Variants in PCDHGA12 observed in about 807,000 individuals in gnomAD.
PCDHGA12 encodes protocadherin gamma-A12.
PCDHGA12 carries 43 observed loss-of-function variants against 61.1 expected under a neutral mutation model. The observed-to-expected ratio is 0.70, with a 90% CI of 0.55 to 0.91. PCDHGA12 has a LOEUF of 0.91. Ranked by LOEUF, PCDHGA12 falls within the 40% of genes least tolerant of loss-of-function variation. The pLI is 0.00. For missense variants in PCDHGA12, 1,236 were observed against 1,227.7 expected, an observed-to-expected ratio of 1.01 and a Z score of -0.10; for synonymous variants, 520 against 542.9, an observed-to-expected ratio of 0.96 and a Z score of 0.59.
intron 1 of PCDHGA12, among the ~76,000 whole-genome samples, chr5:141,450,335 T>A (rs1054670037): frequency 1.3e-5 from 2 of 152,158 alleles, no homozygotes; most frequent in African/African-American, 4.8e-5. Context: ...CTCTTTAATC[T>A]ACTTTAATCT....
rs1421246315 is a variant in PCDHGA12 at position 141,491,880 on chromosome 5, G to A, written c.2425-2927G>A. The A allele has an allele frequency of 1.1e-5, 16 of 1,449,714 alleles. No homozygotes were observed. The highest frequency in any genetic ancestry group is 1.5e-5 in the Non-Finnish European group (16 of 1,096,892). 89.8% of individuals were successfully genotyped at this position (1,449,714 alleles called of 1,614,324 possible). A position where few individuals can be genotyped will look rare whatever the true frequency, so the allele number is the denominator to read the frequency against. ...GCGAAACCAGAGTGGCCGATTAAGGGATGGGGCTCCGAGCACCGGGGGTGG... is the reference window on the plus strand; with the variant it reads ...GCGAAACCAGAGTGGCCGATTAAGGAATGGGGCTCCGAGCACCGGGGGTGG... On this transcript the variant is annotated intron_variant, in intron 1 of 3. Coordinates refer to ENST00000252085, the MANE Select transcript of PCDHGA12 (RefSeq NM_003735.3). The surrounding 1 kb of genome is among the most constrained non-coding windows in gnomAD (Gnocchi z 6.9).
Position 141,431,668 on chromosome 5 carries a change from A to C in PCDHGA12, c.909A>C (p.Thr303=). ...ATTGTAATTCAGGGACAATATCAAC[A>C]ATAGGGGAGTTGGACCACGAGGAGT... is the stretch of plus-strand genomic sequence containing the variant. ...KLDCNSGTIS[T]IGELDHEESG... Residue 303 remains threonine (T), a synonymous_variant, in exon 1 of 4, where the codon ACA becomes ACC. Coordinates refer to ENST00000252085, the MANE Select transcript of PCDHGA12 (RefSeq NM_003735.3). This position sits in a 1 kb window ranked among gnomAD's most constrained non-coding sequence, Gnocchi z 4.8. The C allele has an allele frequency of 6.2e-7, 1 of 1,614,208 alleles. No individual in the cohort carries two copies. Among genetic ancestry groups the C allele is most frequent in the Non-Finnish European group, 8.5e-7 (1 of 1,180,036 alleles).
intron 1 of PCDHGA12, among the ~76,000 whole-genome samples, chr5:141,457,187 G>A (rs1314148733): frequency 1.3e-5 from 2 of 152,210 alleles, no homozygotes; most frequent in Admixed American, 1.3e-4. Flanking sequence ...ATAGTAGAGT[G>A]AGGAAAGCAG....
intron 2 of PCDHGA12, 70 bp downstream of exon 2, chr5:141,494,935 G>T (rs1456805368): frequency 2.5e-6 from 4 of 1,612,364 alleles, no homozygotes; most frequent in African/African-American, 1.3e-5. Context: ...GGGAGGAGAT[G>T]GGGGAGGGCC....
At chr5:141,451,535 A>G (rs150174911) in intron 1 of PCDHGA12, among the ~76,000 whole-genome samples, 2 of 152,328 alleles carry the variant, frequency 1.3e-5, no homozygotes, top group Non-Finnish European at 2.9e-5. Flanking sequence ...GGAGAGTGCC[A>G]GAGAGGGCAA....
At chr5:141,500,188 ATT>A (rs2099797463) in intron 2 of PCDHGA12, among the ~76,000 whole-genome samples, 1 of 98,146 alleles carries the variant, frequency 1.0e-5, no homozygotes, top group African/African-American at 5.1e-5. Flanking sequence ...TTTTATTTTT[ATT>A]TATTTATTTA....
Position 141,476,657 on chromosome 5 carries a change from G to A in PCDHGA12, c.2425-18150G>A, listed in dbSNP as rs759887729. On this transcript the variant is annotated intron_variant, in intron 1 of 3. Coordinates refer to ENST00000252085, the MANE Select transcript of PCDHGA12 (RefSeq NM_003735.3). This position sits in a 1 kb window ranked among gnomAD's most constrained non-coding sequence, Gnocchi z 7.6. ...TGAGCTGAGCCGAAATGAATACTTTGCGCTTCGCGTGCAGACGCGGGAGGA... is the reference window on the plus strand; with the variant it reads ...TGAGCTGAGCCGAAATGAATACTTTACGCTTCGCGTGCAGACGCGGGAGGA... 1.9e-6 allele frequency: 3 copies of A among 1,614,140 alleles called. No homozygotes were observed. Among genetic ancestry groups the A allele is most frequent in the Non-Finnish European group, 2.5e-6 (3 of 1,180,060 alleles).
chr5:141,487,661 C>A lies in PCDHGA12; in HGVS notation c.2425-7146C>A. ...ACAAATGCTTGAGGGTTATTCTGATCCAGGCATATGGCTAGGCCATGTCCT... is the reference window on the plus strand; with the variant it reads ...ACAAATGCTTGAGGGTTATTCTGATACAGGCATATGGCTAGGCCATGTCCT... On this transcript the variant is annotated intron_variant, in intron 1 of 3. Transcript: ENST00000252085. This position sits in a 1 kb window ranked among gnomAD's most constrained non-coding sequence, Gnocchi z 5.0. The A allele has an allele frequency of 6.2e-7, 1 of 1,613,366 alleles. No homozygotes were observed. Among genetic ancestry groups the A allele is most frequent in the Non-Finnish European group, 8.5e-7 (1 of 1,179,646 alleles).
chr5:141,508,647 C>T (rs1301017914), intron 3 of PCDHGA12, among the ~76,000 whole-genome samples: 4 of 152,090 alleles, frequency 2.6e-5, no homozygotes, highest in African/African-American at 9.7e-5. Flanking sequence ...CTCCGTCAGG[C>T]CCTTCCTGTC....
At chr5:141,467,208 A>G (rs1272958649) in intron 1 of PCDHGA12, among the ~76,000 whole-genome samples, 1 of 152,064 alleles carries the variant, frequency 6.6e-6, no homozygotes, top group East Asian at 1.9e-4. Flanking sequence ...ACATGCCACC[A>G]TGCCTGGCTA....
intron 1 of PCDHGA12, chr5:141,478,305 C>T (rs775282798): frequency 2.5e-6 from 4 of 1,614,092 alleles, no homozygotes; most frequent in East Asian, 2.2e-5. Flanking sequence ...TACCGAGCCC[C>T]GGTGAGCTCA....
intron 1 of PCDHGA12, among the ~76,000 whole-genome samples, chr5:141,456,968 A>AAAAC (rs202005606): frequency 1.3e-4 from 20 of 152,282 alleles, no homozygotes; most frequent in Middle Eastern, 3.4e-3. Flanking sequence ...ATCTCAAAAC[A>AAAAC]AAACAAACAA....
At chr5:141,465,923 C>G (rs908350232) in intron 1 of PCDHGA12, among the ~76,000 whole-genome samples, 2 of 152,062 alleles carry the variant, frequency 1.3e-5, no homozygotes, top group African/African-American at 4.8e-5. Flanking sequence ...GATTTCGAGT[C>G]CATCCTGGCT....
At chr5:141,471,654 G>A (rs1235665796) in intron 1 of PCDHGA12, 2 of 152,044 alleles carry the variant, frequency 1.3e-5, no homozygotes, top group South Asian at 2.1e-4. Flanking sequence ...CTGGATGTGG[G>A]GATGCAGAAA....
rs936419038 is a variant in PCDHGA12 at position 141,493,313 on chromosome 5, G to T, written c.2425-1494G>T. On this transcript the variant is annotated intron_variant, in intron 1 of 3. Transcript: ENST00000252085. This position sits in a 1 kb window ranked among gnomAD's most constrained non-coding sequence, Gnocchi z 4.3. ...TCAAGTTCACAGAGCAAGTAAGAGA[G>T]ATTCTAACCCCTGTCTAACTCCAGA... Among the ~76,000 whole-genome samples, 4 of 152,214 alleles carry T rather than the reference G, an allele frequency of 2.6e-5. No individual in the cohort carries two copies. Among genetic ancestry groups the T allele is most frequent in the Non-Finnish European group, 4.4e-5 (3 of 68,040 alleles).
rs924491576 is a variant in PCDHGA12, at chr5:141,491,579, C to T, written c.2425-3228C>T. On this transcript the variant is annotated intron_variant, in intron 1 of 3. Coordinates refer to ENST00000252085, the MANE Select transcript of PCDHGA12 (RefSeq NM_003735.3). This position sits in a 1 kb window ranked among gnomAD's most constrained non-coding sequence, Gnocchi z 6.9. ...CACTGCTACAGGACGTGCTTTTCAC[C>T]GGCCTCGGACGGCAGTGACTTCACT... is the stretch of plus-strand genomic sequence containing the variant. 18 of 1,613,810 alleles carry T rather than the reference C, an allele frequency of 1.1e-5. No homozygotes were observed. Among genetic ancestry groups the T allele is most frequent in the Non-Finnish European group, 1.4e-5 (17 of 1,180,044 alleles).
rs2099417733 is a variant in PCDHGA12, at chr5:141,477,771, G to C, written c.2425-17036G>C. ...ACCCCGGTCCTAGCCACCAACATCAGCGTGAACATATTTGTCACTGATCGC... is the reference window on the plus strand; with the variant it reads ...ACCCCGGTCCTAGCCACCAACATCACCGTGAACATATTTGTCACTGATCGC... On this transcript the variant is annotated intron_variant, in intron 1 of 3. Transcript: ENST00000252085. This position sits in a 1 kb window ranked among gnomAD's most constrained non-coding sequence, Gnocchi z 4.9. 3 of 1,613,992 alleles carry C rather than the reference G, an allele frequency of 1.9e-6. No homozygotes were observed. The highest frequency in any genetic ancestry group is 3.3e-4 in the Middle Eastern group (2 of 6,062).
At chr5:141,461,738 C>A (rs2099021378) in intron 1 of PCDHGA12, among the ~76,000 whole-genome samples, 1 of 150,904 alleles carries the variant, frequency 6.6e-6, no homozygotes. Flanking sequence ...TGGCACAATC[C>A]CGGCTCCCAG....
rs577239742 is a variant in PCDHGA12 at position 141,501,564 on chromosome 5, T to C, written c.2484-3829T>C. ...CATAAGATCATAGGCCCTGGAATCA[T>C]ATTAGGCTGGCTTTCAGGTTGCAAC... On this transcript the variant is annotated intron_variant, in intron 2 of 3. Coordinates refer to ENST00000252085, the MANE Select transcript of PCDHGA12 (RefSeq NM_003735.3). 5.9e-5 allele frequency among the ~76,000 whole-genome samples: 9 copies of C among 152,194 alleles called. No individual in the cohort carries two copies. The South Asian group carries it at 1.7e-3, about 28-fold the overall frequency.
Sources: gnomAD v4.1 joint callset for allele counts (sites outside exome capture counted in the v4.1 genomes callset) on GRCh38, gnomAD v4.1.1 for gene constraint, Gnocchi (gnomAD v3.1) non-coding constraint, MANE v1.5 for transcripts, NCBI Gene and HGNC (gene_info 2026-07-23, HGNC 2026-07-21) for gene names.